The following AOX1 variants were observed in gnomAD, a reference collection of about 807,000 sequenced individuals.
The protein encoded by AOX1 is aldehyde oxidase 1.
AOX1 carries 153 observed loss-of-function variants against 169.5 expected under a neutral mutation model. The ratio of observed to expected loss-of-function variants is 0.90; its 90% CI spans 0.79 to 1.03. The LOEUF is 1.03. Ranked by LOEUF, AOX1 falls within the 50% of genes least tolerant of loss-of-function variation. The pLI, the probability that AOX1 is intolerant of heterozygous loss-of-function variation, is 0.00. For missense variants in AOX1, 1,656 were observed against 1,663.9 expected (o/e 1.00, Z 0.08); for synonymous variants, 562 against 581.9 (o/e 0.97, Z 0.49).
At chr2:200,667,823 G>C (rs545728164) in intron 32 of AOX1, among the ~76,000 whole-genome samples, 54 of 152,210 alleles carry the variant, frequency 3.5e-4, no homozygotes, top group African/African-American at 1.3e-3. Context: ...TTGGAAGACT[G>C]ATCTAAAATC....
chr2:200,637,992 C>T, intron 22 of AOX1: 1 of 431,150 alleles, frequency 2.3e-6, no homozygotes, highest in Non-Finnish European at 4.4e-6. Flanking sequence ...CACCCAAGAG[C>T]CTCTGTCCCA....
At chr2:200,616,890 C>T (rs768658857) in intron 16 of AOX1, among the ~76,000 whole-genome samples, 6 of 152,114 alleles carry the variant, frequency 3.9e-5, no homozygotes, top group African/African-American at 7.2e-5. Context: ...TGAACATTGA[C>T]GTTGGTGTGT....
intron 19 of AOX1, among the ~76,000 whole-genome samples, chr2:200,626,309 A>G (rs1046113199): frequency 1.3e-5 from 2 of 152,240 alleles, no homozygotes; most frequent in Admixed American, 6.5e-5. Context: ...GGGAAATGGC[A>G]GAATCACAAT....
intron 19 of AOX1, among the ~76,000 whole-genome samples, chr2:200,625,989 A>G (rs1400638150): frequency 6.6e-6 from 1 of 152,188 alleles, no homozygotes; most frequent in East Asian, 1.9e-4. Context: ...AATGGAAAAA[A>G]ATGTGTTCCC....
chr2:200,627,143 A>G (rs1032611397), intron 19 of AOX1, among the ~76,000 whole-genome samples: 1 of 152,182 alleles, frequency 6.6e-6, no homozygotes, highest in Non-Finnish European at 1.5e-5. Flanking sequence ...ATTTCTTCAG[A>G]CTCAGTAGGC....
intron 20 of AOX1, 84 bp downstream of exon 20, chr2:200,627,533 C>T (rs1304491509): frequency 1.2e-5 from 12 of 995,860 alleles, no homozygotes; most frequent in South Asian, 8.4e-5. Context: ...TGGAAATCAT[C>T]GGGCAGCCTA....
intron 14 of AOX1, among the ~76,000 whole-genome samples, chr2:200,613,001 T>TGC (rs1279031602): frequency 3.5e-5 from 4 of 114,314 alleles, no homozygotes; most frequent in East Asian, 2.6e-4. Context: ...ATACTCTGTG[T>TGC]GCGTGTGTGT....
intron 26 of AOX1, 69 bp from the exon 27 acceptor site, chr2:200,656,773 G>A (rs1326330355): frequency 1.1e-5 from 13 of 1,153,474 alleles, no homozygotes; most frequent in Non-Finnish European, 1.4e-5. Context: ...CAAGGAAAAT[G>A]TTTTAATTGA....
In AOX1 at chr2:200,670,746, G is replaced by C; in HGVS notation, c.*67G>C. On this transcript the variant is annotated 3_prime_UTR_variant, in exon 35 of 35. Coordinates refer to ENST00000374700, the MANE Select transcript of AOX1 (RefSeq NM_001159.4). ...AGATGGCAATCTGTCCTATCTCTGT[G>C]CTGGAAGATGCTAGATCTGAAAGAC... The C allele has an allele frequency of 8.1e-7, 1 of 1,238,384 alleles. No homozygotes were observed. Among genetic ancestry groups the C allele is most frequent in the Non-Finnish European group, 1.2e-6 (1 of 852,336 alleles). 76.7% of individuals were successfully genotyped at this position (1,238,384 alleles called of 1,614,324 possible). A position where few individuals can be genotyped will look rare whatever the true frequency, so the allele number is the denominator to read the frequency against.
chr2:200,641,272 T>A, intron 24 of AOX1, 88 bp downstream of exon 24: 1 of 907,420 alleles, frequency 1.1e-6, no homozygotes, highest in Non-Finnish European at 1.8e-6. Flanking sequence ...AGTTAAGTAA[T>A]ATTTGATTAT....
At chr2:200,641,268 G>T in intron 24 of AOX1, 84 bp downstream of exon 24, 1 of 940,644 alleles carries the variant, frequency 1.1e-6, no homozygotes, top group African/African-American at 1.6e-5. Context: ...CAATAGTTAA[G>T]TAATATTTGA....
At chr2:200,622,270 C>G (rs2034903474) in intron 18 of AOX1, among the ~76,000 whole-genome samples, 1 of 152,258 alleles carries the variant, frequency 6.6e-6, no homozygotes, top group African/African-American at 2.4e-5. Flanking sequence ...TCTGATTCAT[C>G]TGTGTATTCC....
rs2035827368 is a variant in AOX1 at position 200,661,456 on chromosome 2, G to A, written c.3376-123G>A. The A allele has an allele frequency of 2.4e-5, 18 of 753,506 alleles. No individual in the cohort carries two copies. The South Asian group carries it at 2.6e-4, about 11-fold the overall frequency. The allele number at this position is 753,506 out of a possible 1,614,324, so 46.7% of individuals were successfully genotyped here. A position where few individuals can be genotyped will look rare whatever the true frequency, so the allele number is the denominator to read the frequency against. On this transcript the variant is annotated intron_variant, in intron 29 of 34. Coordinates refer to ENST00000374700, the MANE Select transcript of AOX1 (RefSeq NM_001159.4). Reference sequence around the variant, plus strand: ...AGCCAAAAGGAATGGATTAATCTGGGTCCTTCCTGGTTACTATTGCTGATA... The same window carrying A: ...AGCCAAAAGGAATGGATTAATCTGGATCCTTCCTGGTTACTATTGCTGATA...
chr2:200,670,563 T>G, intron 34 of AOX1, 66 bp from the exon 35 acceptor site: 2 of 1,402,176 alleles, frequency 1.4e-6, no homozygotes, highest in Non-Finnish European at 2.0e-6. Flanking sequence ...CTTTATGTTC[T>G]TCTATTTTTC....
At chr2:200,663,572 ACTCTCTCTCT>A (rs1226325589) in intron 31 of AOX1, among the ~76,000 whole-genome samples, 12 of 105,058 alleles carry the variant, frequency 1.1e-4, no homozygotes, top group Non-Finnish European at 1.2e-4. Context: ...ACACACACAC[ACTCTCTCTCT>A]CTCTCTCTCT....
At chr2:200,675,934 A>G (rs762395332), downstream of AOX1, among the ~76,000 whole-genome samples, 2 of 151,320 alleles carry the variant, frequency 1.3e-5, no homozygotes, top group Non-Finnish European at 3.0e-5. Flanking sequence ...CCTTTGCACC[A>G]ACCTATAACT....
chr2:200,670,581 T>A (rs1436216317), intron 34 of AOX1, 48 bp from the exon 35 acceptor site: 2 of 1,533,738 alleles, frequency 1.3e-6, no homozygotes, highest in Admixed American at 1.7e-5. Flanking sequence ...TTCACCTAAG[T>A]CACAAACATT....
chr2:200,663,487 T>G lies in AOX1; in HGVS notation c.3543+518T>G, dbSNP rs1467031065. The stretch of plus-strand genomic sequence containing the variant: ...GCTTGGTCTTGCTTTTTAGATAGTT[T>G]AAGAGCATCCTTATGCTTTCAAGGG... On this transcript the variant is annotated intron_variant, in intron 31 of 34. Coordinates refer to ENST00000374700, the MANE Select transcript of AOX1 (RefSeq NM_001159.4). Among the ~76,000 whole-genome samples, 4 of 151,896 alleles carry G rather than the reference T, an allele frequency of 2.6e-5. No homozygotes were observed. In the East Asian group the frequency reaches 7.7e-4, roughly 29 times the overall value.
chr2:200,653,464 C>CT (rs1205787342), intron 26 of AOX1, among the ~76,000 whole-genome samples: 2 of 152,218 alleles, frequency 1.3e-5, no homozygotes, highest in Non-Finnish European at 2.9e-5. Context: ...TATCTCATCT[C>CT]TATCAGGTAG....
Sources: gnomAD v4.1 joint callset for allele counts (sites outside exome capture counted in the v4.1 genomes callset) on GRCh38, gnomAD v4.1.1 for gene constraint, MANE v1.5 for transcripts, NCBI Gene and HGNC (gene_info 2026-07-23, HGNC 2026-07-21) for gene names.